Variants in PLCD4 observed in about 807,000 individuals in gnomAD.
The protein encoded by PLCD4 is 1-phosphatidylinositol 4,5-bisphosphate phosphodiesterase delta-4.
In PLCD4, 63 loss-of-function variants were observed where a neutral mutation model predicts 90.2. The ratio of observed to expected loss-of-function variants is 0.70; its 90% CI spans 0.57 to 0.86. PLCD4 has a LOEUF of 0.86. Ranked by LOEUF, PLCD4 falls within the 40% of genes least tolerant of loss-of-function variation. The pLI is 0.00. For synonymous variants in PLCD4, 294 were observed against 356.5 expected (o/e 0.82, Z 1.97); for missense variants, 830 against 956.3 (o/e 0.87, Z 1.74).
chr2:218,622,877 T>C lies in PLCD4; in HGVS notation c.771T>C (p.Ser257=), dbSNP rs1444115762. 1.2e-6 allele frequency: 2 copies of C among 1,612,316 alleles called. No homozygotes were observed. Among genetic ancestry groups the C allele is most frequent in the Non-Finnish European group, 1.7e-6 (2 of 1,178,890 alleles). The part of the protein sequence containing the change: ...ELIDRYEPSD[S]GKLRHVLSMD... ...TTGACCGCTATGAACCTTCAGACAG[T>C]GGTAAGAGAAATCAGGTGGAGAGGC... Residue 257 remains serine (S), a splice_region_variant and synonymous_variant, in exon 6 of 16, where the codon AGT becomes AGC. Coordinates refer to ENST00000450993, the MANE Select transcript of PLCD4 (RefSeq NM_032726.4).
intron 3 of PLCD4, among the ~76,000 whole-genome samples, chr2:218,616,933 GAGAGAGAGAGA>G (rs1559264027): frequency 2.8e-4 from 3 of 10,882 alleles, no homozygotes; most frequent in Non-Finnish European, 3.6e-4. Flanking sequence ...TATATAGAGA[GAGAGAGAGAGA>G]GAGAGAGAGA....
intron 1 of PLCD4, among the ~76,000 whole-genome samples, chr2:218,614,418 T>G (rs1361311001): frequency 6.6e-6 from 1 of 151,960 alleles, no homozygotes; most frequent in African/African-American, 2.4e-5. Flanking sequence ...CCCAAAGTGC[T>G]GGGATTACAG....
chr2:218,613,777 C>T (rs1559261724), intron 1 of PLCD4, among the ~76,000 whole-genome samples: 2 of 152,112 alleles, frequency 1.3e-5, no homozygotes, highest in African/African-American at 4.8e-5. Flanking sequence ...ATGTTGCTCA[C>T]ACTGGTCTCG....
chr2:218,610,368 C>T (rs1018984716), intron 1 of PLCD4, among the ~76,000 whole-genome samples: 1 of 151,748 alleles, frequency 6.6e-6, no homozygotes, highest in Non-Finnish European at 1.5e-5. Context: ...ATTAGCCAGG[C>T]GTGGTGGCAC....
chr2:218,616,726 T>TACATACATACATAC (rs1553571847), intron 3 of PLCD4, among the ~76,000 whole-genome samples: 12 of 128,776 alleles, frequency 9.3e-5, no homozygotes, highest in African/African-American at 2.3e-4. Context: ...AAAATACATA[T>TACATACATACATAC]ATACATACAT....
chr2:218,633,780 G>A lies in PLCD4; in HGVS notation c.1606+19G>A. 1 of 1,613,028 alleles carries A rather than the reference G, an allele frequency of 6.2e-7. No homozygotes were observed. ...GAGGCTGGTCAGGACCAAAATGGAG[G>A]GATGGGGAGGGAAGTGGGATGGATA... On this transcript the variant is annotated intron_variant, in intron 11 of 15. Coordinates refer to ENST00000450993, the MANE Select transcript of PLCD4 (RefSeq NM_032726.4).
At position 218,634,115 on chromosome 2, in the gene PLCD4, T is replaced by C. The variant is rs372513856; in HGVS notation, c.1617T>C (p.Phe539=). 40 of 1,610,526 alleles carry C rather than the reference T, an allele frequency of 2.5e-5. No individual in the cohort carries two copies. In the African/African-American group the frequency reaches 4.7e-4, roughly 19 times the overall value. ...TATACCCTTTTACAGGCAATGAGTTTGTGCAGCACAATACTTGGCAGTTAA... is the reference window on the plus strand; with the variant it reads ...TATACCCTTTTACAGGCAATGAGTTCGTGCAGCACAATACTTGGCAGTTAA... ...KRLIKEAGNE[F]VQHNTWQLSR... The change falls in exon 12 of 16, where the codon TTT becomes TTC. Residue 539 remains phenylalanine (F), a synonymous_variant. Transcript: ENST00000450993. This position sits in a 1 kb window ranked among gnomAD's most constrained non-coding sequence, Gnocchi z 4.0.
chr2:218,616,081 G>T lies in PLCD4; in HGVS notation c.181+19G>T, dbSNP rs485765. The T allele has an allele frequency of 4.2e-5, 67 of 1,611,022 alleles. No individual in the cohort carries two copies. The highest frequency in any genetic ancestry group is 1.5e-4 in the Admixed American group (9 of 59,818). On this transcript the variant is annotated intron_variant, in intron 3 of 15. Coordinates refer to ENST00000450993, the MANE Select transcript of PLCD4 (RefSeq NM_032726.4). ...CCCAGCTGTGAGTGACCTGGATAGT[G>T]GGGGGTGGATACATGGGTGGATAGA...
At chr2:218,623,400 A>G (rs567237333) in intron 6 of PLCD4, among the ~76,000 whole-genome samples, 2 of 152,338 alleles carry the variant, frequency 1.3e-5, no homozygotes, top group African/African-American at 2.4e-5. Context: ...GGCTGGGGGA[A>G]TAAGGAGGCC....
rs763551882 is a variant in PLCD4 at position 218,635,909 on chromosome 2, G to C, written c.2010G>C (p.Glu670Asp). The change falls in exon 14 of 16, where the codon GAG becomes GAC. Residue 670 changes from glutamate (E) to aspartate (D), a missense_variant. Coordinates refer to ENST00000450993, the MANE Select transcript of PLCD4 (RefSeq NM_032726.4). ...TTCGTCTAGACACAGCACGGCAGGAGACCAACTATGTGGAGAACAATGGTG... is the reference window on the plus strand; with the variant it reads ...TTCGTCTAGACACAGCACGGCAGGACACCAACTATGTGGAGAACAATGGTG... The part of the protein sequence containing the change: ...FGVRLDTARQ[E>D]TNYVENNGFN... 1.2e-6 allele frequency: 2 copies of C among 1,613,924 alleles called. No individual in the cohort carries two copies. Among genetic ancestry groups the C allele is most frequent in the Non-Finnish European group, 1.7e-6 (2 of 1,179,918 alleles).
At chr2:218,617,467 C>T (rs1695667186) in intron 3 of PLCD4, among the ~76,000 whole-genome samples, 1 of 151,336 alleles carries the variant, frequency 6.6e-6, no homozygotes, top group Admixed American at 6.6e-5. Context: ...GTCCCAGCTA[C>T]TCGGAAGGCT....
intron 6 of PLCD4, among the ~76,000 whole-genome samples, chr2:218,626,992 G>A (rs1396190272): frequency 6.6e-5 from 10 of 152,068 alleles, no homozygotes; most frequent in Non-Finnish European, 1.0e-4. Context: ...GGTGGCTCAC[G>A]CCTGTAATCC....
At chr2:218,612,912 C>G (rs760702050) in intron 1 of PLCD4, among the ~76,000 whole-genome samples, 2 of 152,190 alleles carry the variant, frequency 1.3e-5, no homozygotes, top group Non-Finnish European at 2.9e-5. Flanking sequence ...ACGTAGGGCA[C>G]TAATAGGCTG....
At chr2:218,632,064 T>A in intron 9 of PLCD4, 72 bp from the exon 10 acceptor site, 1 of 1,460,142 alleles carries the variant, frequency 6.8e-7, no homozygotes, top group Non-Finnish European at 9.1e-7. Flanking sequence ...TTGAGAACAA[T>A]GAGACTGGCA....
Position 218,615,903 on chromosome 2 carries a change from G to C in PLCD4, c.23-1G>C. The C allele has an allele frequency of 6.2e-7, 1 of 1,614,018 alleles. No individual in the cohort carries two copies. The highest frequency in any genetic ancestry group is 8.5e-7 in the Non-Finnish European group (1 of 1,179,890). ...CCTAACCCCTGCTTTTCCTGACCTA[G>C]AGCTGACCACTGATCAGGACTTGCT... On this transcript the variant is annotated splice_acceptor_variant, in intron 2 of 15. Transcript: ENST00000450993. LOFTEE classifies it high-confidence loss of function.
intron 5 of PLCD4, 136 bp downstream of exon 5, chr2:218,621,735 A>ATACTTCCCATTGAGCCTAG: frequency 8.7e-7 from 1 of 1,146,268 alleles, no homozygotes; most frequent in Non-Finnish European, 1.3e-6. Context: ...TCAATGCCCT[A>ATACTTCCCATTGAGCCTAG]GGCTCAATGG....
rs1559272255 is a variant in PLCD4 at position 218,628,176 on chromosome 2, C to G, written c.920C>G (p.Thr307Ser). 1 of 1,614,056 alleles carries G rather than the reference C, an allele frequency of 6.2e-7. No homozygotes were observed. Residue 307 changes from threonine (T) to serine (S), a missense_variant, in exon 7 of 16, where the codon ACC (threonine) becomes AGC (serine). Coordinates refer to ENST00000450993, the MANE Select transcript of PLCD4 (RefSeq NM_032726.4). ...NHYFICSSHN[T>S]YLVGDQLCGQ... ...TACTTCATCTGCTCTTCTCATAACA[C>G]CTACCTAGTGGGGGACCAGCTTTGT...
At chr2:218,632,848 T>C (rs1696459752) in intron 10 of PLCD4, among the ~76,000 whole-genome samples, 2 of 151,992 alleles carry the variant, frequency 1.3e-5, no homozygotes, top group South Asian at 4.2e-4. Flanking sequence ...AAGGAGAGCA[T>C]TTTGAGGTGG....
At chr2:218,610,185 A>G (rs191400203) in intron 1 of PLCD4, among the ~76,000 whole-genome samples, 252 of 152,126 alleles carry the variant, frequency 1.7e-3, no homozygotes, top group Middle Eastern at 3.4e-3. Flanking sequence ...GGACCAGGTC[A>G]GGCATGGGAT....
Sources: allele counts gnomAD v4.1 joint callset (sites outside exome capture counted in the v4.1 genomes callset), GRCh38; gene constraint gnomAD v4.1.1; non-coding constraint Gnocchi (gnomAD v3.1); transcripts MANE v1.5; gene names NCBI Gene and HGNC (gene_info 2026-07-23, HGNC 2026-07-21).